NEB: variants seen among roughly 807,000 people sequenced by gnomAD.
The protein encoded by NEB is nemaline myopathy type 2.
NEB carries 512 observed loss-of-function variants against 952.2 expected under a neutral mutation model. The ratio of observed to expected loss-of-function variants is 0.54; its 90% CI spans 0.50 to 0.58. The LOEUF (loss-of-function observed/expected upper bound fraction) is 0.58, where lower values mean the gene tolerates loss of function less well. NEB is among the 20% of genes least tolerant of loss of function. The probability of loss-of-function intolerance (pLI) is 0.00; values close to 1 mark genes in which losing one functional copy is unlikely to be tolerated. For synonymous variants in NEB, 2,900 were observed against 3,149.8 expected (o/e 0.92, Z 2.66); for missense variants, 8,428 against 9,231.1 (o/e 0.91, Z 3.56).
intron 23 of NEB, 142 bp downstream of exon 23, chr2:151,691,722 G>A (rs2099552710): frequency 1.5e-6 from 1 of 674,302 alleles, no homozygotes. Flanking sequence ...GTGTTCCCCG[G>A]TTCCACCCCA....
rs764259277 is a variant in NEB at position 151,639,387 on chromosome 2, A to G, written c.8890-3T>C. 1 of 1,516,720 alleles carries G rather than the reference A, an allele frequency of 6.6e-7. No homozygotes were observed. Among genetic ancestry groups the G allele is most frequent in the Non-Finnish European group, 8.8e-7 (1 of 1,131,184 alleles). 94.0% of individuals were successfully genotyped at this position (1,516,720 alleles called of 1,614,324 possible). A position where few individuals can be genotyped will look rare whatever the true frequency, so the allele number is the denominator to read the frequency against. ...TCCCAGGCTTCTGTGTATAAACGCT[A>G]TCAAAAAAAATACACAAATTCATCA... On this transcript the variant is annotated splice_region_variant and splice_polypyrimidine_tract_variant and intron_variant, in intron 62 of 181. Coordinates refer to ENST00000397345, the MANE Select transcript of NEB (RefSeq NM_001164508.2).
At position 151,656,236 on chromosome 2, in the gene NEB, T is replaced by A; in HGVS notation, c.6412A>T (p.Lys2138Ter). 6.2e-7 allele frequency: 1 copy of A among 1,613,328 alleles called. No homozygotes were observed. Among genetic ancestry groups the A allele is most frequent in the Non-Finnish European group, 8.5e-7 (1 of 1,179,556 alleles). The change falls in exon 49 of 182, where the codon AAG (lysine) becomes TAG (stop). Residue 2138 changes from lysine to a stop codon, truncating the protein, a stop_gained. Coordinates refer to ENST00000397345, the MANE Select transcript of NEB (RefSeq NM_001164508.2). LOFTEE classifies it high-confidence loss of function. ...AQANITNTNY[K>*]HLIHKYILLP... ...AGGATGTACTTGTGAATCAGGTGCT[T>A]GTAGTTAGTGTTGGTGATGTTGGCT...
chr2:151,546,287 T>C, intron 134 of NEB, 58 bp downstream of exon 134: 1 of 1,360,990 alleles, frequency 7.3e-7, no homozygotes, highest in Non-Finnish European at 1.0e-6. Flanking sequence ...TGGAGGCTGG[T>C]GATGGGGGCA....
intron 65 of NEB, among the ~76,000 whole-genome samples, chr2:151,632,315 C>CAAA (rs201218741): frequency 7.8e-6 from 1 of 128,940 alleles, no homozygotes; most frequent in Non-Finnish European, 1.7e-5. Flanking sequence ...GTAGTCTAGA[C>CAAA]AAAAAAAAAA....
At chr2:151,527,159 G>A in intron 147 of NEB, 137 bp from the exon 148 acceptor site, 2 of 645,448 alleles carry the variant, frequency 3.1e-6, no homozygotes, top group South Asian at 2.0e-5. Flanking sequence ...GAGCTTCTTG[G>A]TCCCTCACTG....
At chr2:151,677,086 G>A (rs1286036835) in intron 34 of NEB, among the ~76,000 whole-genome samples, 2 of 152,156 alleles carry the variant, frequency 1.3e-5, no homozygotes, top group African/African-American at 2.4e-5. Context: ...AAGTCTCTGT[G>A]ATAATTGTGT....
intron 57 of NEB, 65 bp from the exon 58 acceptor site, chr2:151,643,418 A>G (rs2098913042): frequency 1.4e-6 from 2 of 1,380,618 alleles, no homozygotes; most frequent in African/African-American, 1.4e-5. Context: ...ATAATTTGTC[A>G]TAATTAAATC....
intron 75 of NEB, 81 bp downstream of exon 75, chr2:151,617,283 G>T: frequency 1.1e-6 from 1 of 942,384 alleles, no homozygotes; most frequent in Non-Finnish European, 1.6e-6. Flanking sequence ...TAGTAAATTA[G>T]TCAAAACCTT....
chr2:151,723,513 G>A, intron 8 of NEB, 27 bp from the exon 9 acceptor site: 1 of 1,500,560 alleles, frequency 6.7e-7, no homozygotes, highest in Non-Finnish European at 9.2e-7. Flanking sequence ...TGAAAAGTTA[G>A]GAGGAAGTAG....
Position 151,565,582 on chromosome 2 carries a change from A to T in NEB, c.18285T>A (p.Leu6095=), listed in dbSNP as rs769252447. Residue 6095 remains leucine (L), a synonymous_variant, in exon 116 of 182, where the codon CTT becomes CTA. Coordinates refer to ENST00000397345, the MANE Select transcript of NEB (RefSeq NM_001164508.2). ...CACTTCTAAAGTTAGGATAGTTTTC[A>T]AGGGCATTTTTCTTATATTTGATCT... The part of the protein sequence containing the change: ...MSQIKYKKNA[L]ENYPNFRSVV... 1.9e-6 allele frequency: 3 copies of T among 1,598,038 alleles called. No homozygotes were observed. The highest frequency in any genetic ancestry group is 2.6e-6 in the Non-Finnish European group (3 of 1,167,202).
In NEB at chr2:151,662,668, T is replaced by C. The variant is rs117363062; in HGVS notation, c.5764-327A>G. Reference sequence around the variant, plus strand: ...ATTCATCTCCCAGGTGACTGTTATCTCCTTGAGAAAAGCAACTATGCTGAC... The same window carrying C: ...ATTCATCTCCCAGGTGACTGTTATCCCCTTGAGAAAAGCAACTATGCTGAC... On this transcript the variant is annotated intron_variant, in intron 45 of 181. Coordinates refer to ENST00000397345, the MANE Select transcript of NEB (RefSeq NM_001164508.2). 4.3e-3 allele frequency among the ~76,000 whole-genome samples: 662 copies of C among 152,298 alleles called. 12 individuals are homozygous for C. The East Asian group carries it at 0.069, about 16-fold the overall frequency.
At chr2:151,661,329 G>A (rs902747015) in intron 46 of NEB, among the ~76,000 whole-genome samples, 18 of 152,264 alleles carry the variant, frequency 1.2e-4, no homozygotes, top group Non-Finnish European at 2.6e-4. Flanking sequence ...CAAGGAGGTT[G>A]AGCTCCACAA....
chr2:151,497,964 T>C, intron 170 of NEB: 2 of 1,436,512 alleles, frequency 1.4e-6, no homozygotes, highest in Non-Finnish European at 1.8e-6. Context: ...TTCATTTTTG[T>C]GAGTACGGTG....
At chr2:151,693,189 G>A (rs6759419) in intron 20 of NEB, among the ~76,000 whole-genome samples, 129,996 of 152,186 alleles carry the variant, frequency 0.85, 56,392 homozygotes, top group Middle Eastern at 0.94. Flanking sequence ...ACTTGTCTGT[G>A]TTTCTTTTCT....
chr2:151,685,891 T>C (rs1427639084), intron 27 of NEB, among the ~76,000 whole-genome samples: 1 of 152,236 alleles, frequency 6.6e-6, no homozygotes, highest in African/African-American at 2.4e-5. Flanking sequence ...ACAAATCTTC[T>C]GTAACAATTC....
chr2:151,728,910 G>A (rs1187259948), intron 4 of NEB, among the ~76,000 whole-genome samples: 2 of 152,140 alleles, frequency 1.3e-5, no homozygotes, highest in African/African-American at 4.8e-5. Context: ...TTGACTGTGA[G>A]AGACTAACCA....
chr2:151,489,966 C>T lies in NEB; in HGVS notation c.25404+5G>A. 1 of 1,564,470 alleles carries T rather than the reference C, an allele frequency of 6.4e-7. No individual in the cohort carries two copies. The highest frequency in any genetic ancestry group is 8.8e-7 in the Non-Finnish European group (1 of 1,134,984). On this transcript the variant is annotated splice_donor_5th_base_variant and intron_variant, in intron 181 of 181. Coordinates refer to ENST00000397345, the MANE Select transcript of NEB (RefSeq NM_001164508.2). ...ATTTATTTAAGTGAGTTGTTATTCA[C>T]TTACTCCAGCAGTAGATGGATGAGA...
intron 181 of NEB, among the ~76,000 whole-genome samples, chr2:151,487,300 A>G (rs1265821065): frequency 6.6e-6 from 1 of 152,208 alleles, no homozygotes; most frequent in Non-Finnish European, 1.5e-5. Context: ...AATAAGTGAT[A>G]ATATCAAAAG....
intron 168 of NEB, among the ~76,000 whole-genome samples, chr2:151,500,449 T>C (rs1559262229): frequency 6.6e-6 from 1 of 151,884 alleles, no homozygotes; most frequent in Non-Finnish European, 1.5e-5. Flanking sequence ...GTGTTAGAGT[T>C]TTTCAGCAAC....
Sources: allele counts gnomAD v4.1 joint callset (sites outside exome capture counted in the v4.1 genomes callset), GRCh38; gene constraint gnomAD v4.1.1; transcripts MANE v1.5; gene names NCBI Gene and HGNC (gene_info 2026-07-23, HGNC 2026-07-21).